GPRASP2: variants seen among roughly 807,000 people sequenced by gnomAD.
The protein encoded by GPRASP2 is G protein-coupled receptor associated sorting protein 2.
GPRASP2 carries 10 observed loss-of-function variants against 36.0 expected under a neutral mutation model. The ratio of observed to expected loss-of-function variants is 0.28; its 90% CI spans 0.17 to 0.47. The LOEUF (loss-of-function observed/expected upper bound fraction) is 0.47. GPRASP2 is among the 20% of genes least tolerant of loss of function. The pLI is 0.99. For synonymous variants in GPRASP2, 219 were observed against 230.5 expected (o/e 0.95, Z 0.45); for missense variants, 538 against 626.7 (o/e 0.86, Z 1.51).
Position 102,716,105 on chromosome X carries a change from A to G in GPRASP2, c.1236A>G (p.Gly412=). 1 of 1,193,344 alleles carries G rather than the reference A, an allele frequency of 8.4e-7. No homozygotes were observed. The highest frequency in any genetic ancestry group is 1.1e-6 in the Non-Finnish European group (1 of 887,524). Reference sequence around the variant, plus strand: ...CAGCAATCTGTGAATCTGAGCCAGGAACTGAGGAGGGGGCCATTGGCGGAT... The same window carrying G: ...CAGCAATCTGTGAATCTGAGCCAGGGACTGAGGAGGGGGCCATTGGCGGAT... ...GASAICESEP[G]TEEGAIGGSA... Residue 412 remains glycine (G), a synonymous_variant, in exon 5 of 5, where the codon GGA becomes GGG. Coordinates refer to ENST00000483720, the MANE Select transcript of GPRASP2 (RefSeq NM_001004051.4).
At position 102,714,983 on chromosome X, in the gene GPRASP2, C is replaced by T. The variant is rs1438074849; in HGVS notation, c.114C>T (p.Pro38=). 21 of 1,211,336 alleles carry T rather than the reference C, an allele frequency of 1.7e-5. No individual in the cohort carries two copies. Among genetic ancestry groups the T allele is most frequent in the Non-Finnish European group, 2.2e-5 (20 of 895,541 alleles). The change falls in exon 5 of 5, where the codon CCC becomes CCT. Residue 38 remains proline (P), a synonymous_variant. Transcript: ENST00000483720. ...ATGATGTCCCTCTGGTGGTCAGACC[C>T]AAGGTTAGGACCCAGGCAACTACTG... The part of the protein sequence containing the change: ...RENDVPLVVR[P]KVRTQATTGA...
In GPRASP2 at chrX:102,714,885, A is replaced by G. The variant is rs758748008; in HGVS notation, c.16A>G (p.Ile6Val). 9 of 1,209,925 alleles carry G rather than the reference A, an allele frequency of 7.4e-6. No individual in the cohort carries two copies. The highest frequency in any genetic ancestry group is 4.5e-6 in the Non-Finnish European group (4 of 894,676). MTGAE[I>V]EPSAQAKPEK... ...AACTTGTACCATGACTGGGGCAGAG[A>G]TTGAGCCTAGTGCCCAGGCCAAGCC... is the stretch of plus-strand genomic sequence containing the variant. Residue 6 changes from isoleucine (I) to valine (V), a missense_variant, in exon 5 of 5, where the codon ATT becomes GTT. Ile to Val is a conservative substitution (Grantham distance 29). Coordinates refer to ENST00000483720, the MANE Select transcript of GPRASP2 (RefSeq NM_001004051.4).
Position 102,715,324 on chromosome X carries a change from C to T in GPRASP2, c.455C>T (p.Ala152Val), listed in dbSNP as rs1299517995. 5.0e-6 allele frequency: 6 copies of T among 1,211,503 alleles called. No homozygotes were observed. The highest frequency in any genetic ancestry group is 2.2e-5 in the Admixed American group (1 of 46,038). ...GGAGTGTCCCAGACTAATGCCGTTG[C>T]TTGGCCACTGGCCACTGCTGAGTCT... ...AEGVSQTNAV[A>V]WPLATAESGS... The change falls in exon 5 of 5, where the codon GCT (alanine) becomes GTT (valine). Residue 152 changes from alanine to valine, a missense_variant. Ala to Val is a moderately conservative substitution (Grantham distance 64, BLOSUM62 0). Around this residue, in one of 2 missense-constraint regions of GPRASP2, gnomAD observed 276 missense variants for 275.0 expected, o/e 1.00. Transcript: ENST00000483720.
rs1272713754 is a variant in GPRASP2, at chrX:102,714,863, T to G, written c.-7T>G. 1 of 1,203,865 alleles carries G rather than the reference T, an allele frequency of 8.3e-7. No individual in the cohort carries two copies. The highest frequency in any genetic ancestry group is 2.2e-5 in the Admixed American group (1 of 44,734). ...TATATTACCTGACTTTCTTTGTAAC[T>G]TGTACCATGACTGGGGCAGAGATTG... On this transcript the variant is annotated 5_prime_UTR_variant, in exon 5 of 5. Transcript: ENST00000483720.
Position 102,714,921 on chromosome X carries a change from G to T in GPRASP2, c.52G>T (p.Ala18Ser). 1 of 1,212,434 alleles carries T rather than the reference G, an allele frequency of 8.2e-7. No homozygotes were observed. The highest frequency in any genetic ancestry group is 1.1e-6 in the Non-Finnish European group (1 of 895,670). The stretch of plus-strand genomic sequence containing the variant: ...TGCCCAGGCCAAGCCTGAAAAGAAG[G>T]CTGGGGAAGAGGTTATCGCTGGGCC... ...PSAQAKPEKK[A>S]GEEVIAGPER... The change falls in exon 5 of 5, where the codon GCT becomes TCT. Residue 18 changes from alanine to serine, a missense_variant. Physicochemically the swap from Ala to Ser is moderately conservative, Grantham distance 99. This residue lies in a region of GPRASP2 where 276 missense variants were observed against 275.0 expected (regional missense o/e 1.00). Coordinates refer to ENST00000483720, the MANE Select transcript of GPRASP2 (RefSeq NM_001004051.4).
In GPRASP2 at chrX:102,717,569, C is replaced by T. The variant is rs1007859978; in HGVS notation, c.*183C>T. On this transcript the variant is annotated 3_prime_UTR_variant, in exon 5 of 5. Transcript: ENST00000483720. ...GCCAAATGAATATCAAAACTGAAAA[C>T]ACATTTGTTGATATTTGTCTTGCTG... The T allele has an allele frequency of 9.9e-5, 67 of 675,450 alleles. No individual in the cohort carries two copies. Among genetic ancestry groups the T allele is most frequent in the Non-Finnish European group, 1.3e-4 (66 of 509,364 alleles). 55.7% of individuals were successfully genotyped at this position (675,450 alleles called of 1,213,427 possible). A position where few individuals can be genotyped will look rare whatever the true frequency, so the allele number is the denominator to read the frequency against.
rs752020730 is a variant in GPRASP2 at position 102,717,071 on chromosome X, G to A, written c.2202G>A (p.Thr734=). The stretch of plus-strand genomic sequence containing the variant: ...TATTAACCACAGCCAATGCGAGAAC[G>A]AAGTTTCACGTTCTGAAAATGCTAT... ...LSLLTTANAR[T]KFHVLKMLLN... Residue 734 remains threonine (T), a synonymous_variant, in exon 5 of 5, where the codon ACG becomes ACA. Coordinates refer to ENST00000483720, the MANE Select transcript of GPRASP2 (RefSeq NM_001004051.4). 4 of 1,201,708 alleles carry A rather than the reference G, an allele frequency of 3.3e-6. No homozygotes were observed. The highest frequency in any genetic ancestry group is 4.5e-6 in the Non-Finnish European group (4 of 888,885).
rs2081959024 is a variant in GPRASP2, at chrX:102,716,002, A to G, written c.1133A>G (p.Glu378Gly). The G allele has an allele frequency of 8.3e-7, 1 of 1,206,349 alleles. No individual in the cohort carries two copies. The highest frequency in any genetic ancestry group is 1.8e-5 in the South Asian group (1 of 55,732). The change falls in exon 5 of 5, where the codon GAA (glutamate) becomes GGA (glycine). Residue 378 changes from glutamate to glycine, a missense_variant. By Grantham distance (98) the Glu-to-Gly change is moderately conservative (BLOSUM62 -2). Around this residue, in one of 2 missense-constraint regions of GPRASP2, gnomAD observed 262 missense variants for 351.7 expected, o/e 0.74. Coordinates refer to ENST00000483720, the MANE Select transcript of GPRASP2 (RefSeq NM_001004051.4). ...GTTGACAGTGATAGGGTCAAACAAG[A>G]ACCCAGGTTTGAGGAGGAAGTCATT... ...KDVDSDRVKQ[E>G]PRFEEEVIIG...
rs2081903280 is a variant in GPRASP2, at chrX:102,713,175, G to C, written c.-522G>C. The C allele has an allele frequency of 8.9e-6, 1 of 112,508 alleles. No individual in the cohort carries two copies. Among genetic ancestry groups the C allele is most frequent in the South Asian group, 3.7e-4 (1 of 2,699 alleles). The allele number at this position is 112,508 out of a possible 1,213,427, so 9.3% of individuals were successfully genotyped here. Reference sequence around the variant, plus strand: ...ACACAGTGAGCGTCTGTAGAGGAGAGGCTTGAAATAAAGGAGCACGAATAT... The same window carrying C: ...ACACAGTGAGCGTCTGTAGAGGAGACGCTTGAAATAAAGGAGCACGAATAT... On this transcript the variant is annotated 5_prime_UTR_variant, in exon 2 of 5. Coordinates refer to ENST00000483720, the MANE Select transcript of GPRASP2 (RefSeq NM_001004051.4).
Position 102,714,863 on chromosome X carries a change from T to A in GPRASP2, c.-7T>A. On this transcript the variant is annotated 5_prime_UTR_variant, in exon 5 of 5. In the 5' UTR this introduces an upstream ATG that the reference lacks. Coordinates refer to ENST00000483720, the MANE Select transcript of GPRASP2 (RefSeq NM_001004051.4). ...TATATTACCTGACTTTCTTTGTAAC[T>A]TGTACCATGACTGGGGCAGAGATTG... The A allele has an allele frequency of 8.3e-7, 1 of 1,202,757 alleles. No individual in the cohort carries two copies.
chrX:102,714,015 G>A (rs2081921218), intron 3 of GPRASP2, among the ~76,000 whole-genome samples, 166 bp downstream of exon 3: 1 of 111,521 alleles, frequency 9.0e-6, no homozygotes, highest in Non-Finnish European at 1.9e-5. Flanking sequence ...CGAGATAGGT[G>A]TAGGTTGGGT....
Position 102,717,098 on chromosome X carries a change from G to A in GPRASP2, c.2229G>A (p.Leu743=). ...AGTTTCACGTTCTGAAAATGCTATT[G>A]AATTTGTCTGAAAATCCTGCTGTGG... The part of the protein sequence containing the change: ...RTKFHVLKML[L]NLSENPAVAK... Residue 743 remains leucine, a synonymous_variant, in exon 5 of 5, where the codon TTG becomes TTA. Coordinates refer to ENST00000483720, the MANE Select transcript of GPRASP2 (RefSeq NM_001004051.4). 1 of 1,202,805 alleles carries A rather than the reference G, an allele frequency of 8.3e-7. No individual in the cohort carries two copies. Among genetic ancestry groups the A allele is most frequent in the African/African-American group, 1.7e-5 (1 of 57,718 alleles).
rs761444224 is a variant in GPRASP2, at chrX:102,716,887, A to G, written c.2018A>G (p.Asn673Ser). The G allele has an allele frequency of 1.7e-6, 2 of 1,210,799 alleles. No homozygotes were observed. Among genetic ancestry groups the G allele is most frequent in the Non-Finnish European group, 2.2e-6 (2 of 895,144 alleles). The change falls in exon 5 of 5, where the codon AAC becomes AGC. Residue 673 changes from asparagine to serine, a missense_variant. Asn to Ser is a conservative substitution (Grantham distance 46). Around this residue, in one of 2 missense-constraint regions of GPRASP2, gnomAD observed 262 missense variants for 351.7 expected, o/e 0.74. Transcript: ENST00000483720. ...IHMAPPYPNL[N>S]MIETFICQVC... ...ATGGCTCCACCTTATCCAAATCTAA[A>G]CATGATTGAGACATTCATATGTCAA...
chrX:102,717,508 T>C lies in GPRASP2; in HGVS notation c.*122T>C. On this transcript the variant is annotated 3_prime_UTR_variant, in exon 5 of 5. Coordinates refer to ENST00000483720, the MANE Select transcript of GPRASP2 (RefSeq NM_001004051.4). Reference sequence around the variant, plus strand: ...TTTTTTAATGCTGATGTTAACTTTGTCAAACTCTTGTTTTGAGCTGGATCA... The same window carrying C: ...TTTTTTAATGCTGATGTTAACTTTGCCAAACTCTTGTTTTGAGCTGGATCA... 1.1e-6 allele frequency: 1 copy of C among 927,469 alleles called. No individual in the cohort carries two copies. Among genetic ancestry groups the C allele is most frequent in the Non-Finnish European group, 1.4e-6 (1 of 730,916 alleles). The allele number at this position is 927,469 out of a possible 1,213,427, so 76.4% of individuals were successfully genotyped here. A position where few individuals can be genotyped will look rare whatever the true frequency, so the allele number is the denominator to read the frequency against.
chrX:102,713,802 A>G lies in GPRASP2; in HGVS notation c.-459A>G, dbSNP rs757067005. On this transcript the variant is annotated 5_prime_UTR_variant, in exon 3 of 5. Transcript: ENST00000483720. ...CATAGGCCTACTTTAAGGCTGGCCA[A>G]TTCTGCAAGAAAGGCAAGGAGGAGG... is the stretch of plus-strand genomic sequence containing the variant. 41 of 112,634 alleles carry G rather than the reference A, an allele frequency of 3.6e-4. No individual in the cohort carries two copies. The highest frequency in any genetic ancestry group is 7.5e-4 in the South Asian group (2 of 2,666). 9.3% of individuals were successfully genotyped at this position (112,634 alleles called of 1,213,427 possible).
At position 102,714,570 on chromosome X, in the gene GPRASP2, A is replaced by G. The variant is rs1445285955; in HGVS notation, c.-300A>G. Reference sequence around the variant, plus strand: ...CCAGTGGCTGCTCTGCTGGTGGTGGAGTTGCTGCTGACAACCACCCTCAAC... The same window carrying G: ...CCAGTGGCTGCTCTGCTGGTGGTGGGGTTGCTGCTGACAACCACCCTCAAC... On this transcript the variant is annotated 5_prime_UTR_variant, in exon 5 of 5. Transcript: ENST00000483720. 37 of 294,353 alleles carry G rather than the reference A, an allele frequency of 1.3e-4. No individual in the cohort carries two copies. In the Admixed American group the frequency reaches 1.7e-3, roughly 13 times the overall value. The allele number at this position is 294,353 out of a possible 1,213,427, so 24.3% of individuals were successfully genotyped here.
At position 102,716,386 on chromosome X, in the gene GPRASP2, T is replaced by C; in HGVS notation, c.1517T>C (p.Val506Ala). ...VEFKPGLFHG[V>A]GFRSTSPFGI... ...TTCAAACCTGGTCTTTTTCATGGGG[T>C]TGGCTTCCGATCCACAAGCCCCTTT... is the stretch of plus-strand genomic sequence containing the variant. The change falls in exon 5 of 5, where the codon GTT becomes GCT. Residue 506 changes from valine (V) to alanine (A), a missense_variant. Physicochemically the swap from Val to Ala is moderately conservative, Grantham distance 64. This residue lies in a region of GPRASP2 where 262 missense variants were observed against 351.7 expected (regional missense o/e 0.74). Transcript: ENST00000483720. 1 of 1,211,800 alleles carries C rather than the reference T, an allele frequency of 8.3e-7. No homozygotes were observed.
Position 102,715,261 on chromosome X carries a change from A to T in GPRASP2, c.392A>T (p.Gln131Leu). 8.2e-7 allele frequency: 1 copy of T among 1,212,535 alleles called. No homozygotes were observed. Among genetic ancestry groups the T allele is most frequent in the Non-Finnish European group, 1.1e-6 (1 of 895,695 alleles). Residue 131 changes from glutamine (Q) to leucine (L), a missense_variant, in exon 5 of 5, where the codon CAG becomes CTG. This residue lies in a region of GPRASP2 where 276 missense variants were observed against 275.0 expected (regional missense o/e 1.00). Coordinates refer to ENST00000483720, the MANE Select transcript of GPRASP2 (RefSeq NM_001004051.4). Reference sequence around the variant, plus strand: ...AAGGATGAGGCCCAGGCATGGGCCCAGAGTGAATTTGGGACTGAAGCAGTG... The same window carrying T: ...AAGGATGAGGCCCAGGCATGGGCCCTGAGTGAATTTGGGACTGAAGCAGTG... ...RPKDEAQAWA[Q>L]SEFGTEAVSQ...
In GPRASP2 at chrX:102,715,264, G is replaced by A; in HGVS notation, c.395G>A (p.Ser132Asn). ...PKDEAQAWAQSEFGTEAVSQA... is the reference protein window; with the variant it reads ...PKDEAQAWAQNEFGTEAVSQA... Reference sequence around the variant, plus strand: ...GATGAGGCCCAGGCATGGGCCCAGAGTGAATTTGGGACTGAAGCAGTGTCA... The same window carrying A: ...GATGAGGCCCAGGCATGGGCCCAGAATGAATTTGGGACTGAAGCAGTGTCA... Residue 132 changes from serine (S) to asparagine (N), a missense_variant, in exon 5 of 5, where the codon AGT becomes AAT. Physicochemically the swap from Ser to Asn is conservative, Grantham distance 46 (BLOSUM62 1). Around this residue, in one of 2 missense-constraint regions of GPRASP2, gnomAD observed 276 missense variants for 275.0 expected, o/e 1.00. Coordinates refer to ENST00000483720, the MANE Select transcript of GPRASP2 (RefSeq NM_001004051.4). The A allele has an allele frequency of 8.2e-7, 1 of 1,212,626 alleles. No individual in the cohort carries two copies.
Sources: gnomAD v4.1 joint callset for allele counts (sites outside exome capture counted in the v4.1 genomes callset) on GRCh38, gnomAD v4.1.1 for gene constraint, gnomAD v4.1.1 regional missense constraint, MANE v1.5 for transcripts, NCBI Gene and HGNC (gene_info 2026-07-23, HGNC 2026-07-21) for gene names.